CSMD1: variants seen among roughly 807,000 people sequenced by gnomAD.
CSMD1 encodes CUB and Sushi multiple domains 1.
Under a neutral mutation model 417.5 loss-of-function variants are expected in CSMD1, and 213 were observed. The observed-to-expected ratio is 0.51, with a 90% CI of 0.46 to 0.57. The LOEUF is 0.57. CSMD1 is among the 20% of genes least tolerant of loss of function. The probability of loss-of-function intolerance (pLI) is 0.00; values close to 1 mark genes in which losing one functional copy is unlikely to be tolerated. For missense variants in CSMD1, 6,923 were observed against 4,529.7 expected (o/e 1.53, Z -15.17); for synonymous variants, 2,862 against 1,736.8 (o/e 1.65, Z -16.11).
At chr8:3,142,054 T>A (rs148910578) in intron 41 of CSMD1, among the ~76,000 whole-genome samples, 1 of 151,908 alleles carries the variant, frequency 6.6e-6, no homozygotes, top group African/African-American at 2.4e-5. Context: ...GCCTCGGCCT[T>A]CCAAAGTGCT....
chr8:4,280,860 A>G (rs1470495730), intron 3 of CSMD1, among the ~76,000 whole-genome samples: 1 of 152,252 alleles, frequency 6.6e-6, no homozygotes, highest in Non-Finnish European at 1.5e-5. Flanking sequence ...TACTTCCTGT[A>G]AACATACAGC....
At chr8:4,964,501 CCAAAAA>C (rs1264101386) in intron 1 of CSMD1, among the ~76,000 whole-genome samples, 104 of 81,054 alleles carry the variant, frequency 1.3e-3, no homozygotes, top group Non-Finnish European at 1.9e-3. Flanking sequence ...GACCCTGTCT[CCAAAAA>C]AAAAAAAAAA....
At chr8:4,755,497 G>C (rs143663278) in intron 1 of CSMD1, among the ~76,000 whole-genome samples, 1 of 151,894 alleles carries the variant, frequency 6.6e-6, no homozygotes, top group African/African-American at 2.4e-5. Context: ...TTGGCATAAC[G>C]TTAAAATTGA....
At chr8:3,097,658 A>G (rs555910036) in intron 46 of CSMD1, among the ~76,000 whole-genome samples, 106 of 152,298 alleles carry the variant, frequency 7.0e-4, no homozygotes, top group African/African-American at 2.5e-3. Flanking sequence ...GAACAGTGCA[A>G]AATTTTAAAT....
At chr8:4,525,251 G>A (rs992558540) in intron 2 of CSMD1, among the ~76,000 whole-genome samples, 2 of 152,052 alleles carry the variant, frequency 1.3e-5, no homozygotes, top group African/African-American at 2.4e-5. Context: ...TCATTCACTC[G>A]AACAGAGAGG....
chr8:3,546,772 G>A (rs1271909964), intron 10 of CSMD1, among the ~76,000 whole-genome samples: 1 of 152,164 alleles, frequency 6.6e-6, no homozygotes, highest in Non-Finnish European at 1.5e-5. Flanking sequence ...TTCATGACAT[G>A]AACTTTTTGA....
intron 2 of CSMD1, among the ~76,000 whole-genome samples, chr8:4,442,269 T>C (rs1041686431): frequency 6.6e-6 from 1 of 152,158 alleles, no homozygotes; most frequent in African/African-American, 2.4e-5. Flanking sequence ...ATTTTGTTTT[T>C]ATAACAGTAA....
rs911643830 is a variant in CSMD1 at position 3,356,782 on chromosome 8, A to T, written c.3304+2370T>A. ...TGCTCTGTGGGCCTGAGAGGGCTCC[A>T]TCTGTCTGCAGGAGGCTGCTGGCTG... is the stretch of plus-strand genomic sequence containing the variant. On this transcript the variant is annotated intron_variant, in intron 21 of 69. Coordinates refer to ENST00000635120, the MANE Select transcript of CSMD1 (RefSeq NM_033225.6). 3.3e-5 allele frequency among the ~76,000 whole-genome samples: 5 copies of T among 152,338 alleles called. No individual in the cohort carries two copies. The East Asian group carries it at 9.6e-4, about 29-fold the overall frequency.
chr8:3,746,674 G>A (rs1584937876), intron 6 of CSMD1, among the ~76,000 whole-genome samples: 1 of 152,204 alleles, frequency 6.6e-6, no homozygotes, highest in Middle Eastern at 3.4e-3. Context: ...ACATTAGTAA[G>A]AAATTATCCC....
At chr8:4,286,345 A>G (rs1423873451) in intron 3 of CSMD1, among the ~76,000 whole-genome samples, 1 of 152,160 alleles carries the variant, frequency 6.6e-6, no homozygotes, top group East Asian at 1.9e-4. Flanking sequence ...TTTTTAAAAA[A>G]CAACGTTTTT....
intron 57 of CSMD1, among the ~76,000 whole-genome samples, chr8:2,970,623 G>A (rs1804378627): frequency 6.6e-6 from 1 of 152,118 alleles, no homozygotes; most frequent in African/African-American, 2.4e-5. Flanking sequence ...CTGCCGATGA[G>A]TGATCTTTCA....
intron 3 of CSMD1, among the ~76,000 whole-genome samples, chr8:4,415,262 AC>A (rs1401485717): frequency 1.3e-5 from 2 of 151,950 alleles, no homozygotes; most frequent in African/African-American, 4.8e-5. Flanking sequence ...TCACTTCTGC[AC>A]CCCCTCCTCC....
rs1170672026 is a variant in CSMD1, at chr8:3,091,500, A to C, written c.7285+16T>G. The C allele has an allele frequency of 6.4e-7, 1 of 1,574,560 alleles. No homozygotes were observed. Among genetic ancestry groups the C allele is most frequent in the African/African-American group, 1.4e-5 (1 of 73,036 alleles). On this transcript the variant is annotated intron_variant, in intron 48 of 69. Coordinates refer to ENST00000635120, the MANE Select transcript of CSMD1 (RefSeq NM_033225.6). ...TTAAAATACTTTCATATAAAATCTA[A>C]ACCTCATTTACTTACCTGCATAGCG...
chr8:3,763,658 C>T (rs546749697), intron 5 of CSMD1, among the ~76,000 whole-genome samples: 1 of 152,136 alleles, frequency 6.6e-6, no homozygotes, highest in Admixed American at 6.5e-5. Flanking sequence ...CTATATAGCA[C>T]TGCAAAACAC....
intron 5 of CSMD1, among the ~76,000 whole-genome samples, chr8:3,890,688 C>A (rs1585147949): frequency 6.6e-6 from 1 of 151,592 alleles, no homozygotes; most frequent in Admixed American, 6.6e-5. Context: ...CCAAATGAGT[C>A]CTGCCCCAGA....
At chr8:3,625,484 G>T (rs1010925374) in intron 7 of CSMD1, among the ~76,000 whole-genome samples, 1 of 152,060 alleles carries the variant, frequency 6.6e-6, no homozygotes, top group African/African-American at 2.4e-5. Context: ...ACAAGGGGTT[G>T]ATCACCTATT....
chr8:2,946,891 G>A lies in CSMD1; in HGVS notation c.10402+2408C>T, dbSNP rs140666550. Among the ~76,000 whole-genome samples the A allele has an allele frequency of 5.7e-4, 87 of 152,248 alleles. 2 individuals carry two copies. The highest frequency in any genetic ancestry group is 1.9e-3 in the African/African-American group (79 of 41,558). ...CCTCCGCCTCCTTGCCACCCTTTGC[G>A]ATTTGACTTTTAGATCACAGCCATC... On this transcript the variant is annotated intron_variant, in intron 68 of 69. Coordinates refer to ENST00000635120, the MANE Select transcript of CSMD1 (RefSeq NM_033225.6).
intron 5 of CSMD1, among the ~76,000 whole-genome samples, chr8:3,809,117 G>T (rs1301814109): frequency 1.3e-5 from 2 of 152,122 alleles, no homozygotes; most frequent in Non-Finnish European, 2.9e-5. Context: ...CACATGCTCT[G>T]CCCTCTATTG....
intron 12 of CSMD1, among the ~76,000 whole-genome samples, chr8:3,457,577 A>C (rs890727753): frequency 1.3e-5 from 2 of 152,332 alleles, no homozygotes; most frequent in Admixed American, 6.5e-5. Flanking sequence ...GGTTTAAAAA[A>C]CACAGGATGA....
Sources: allele counts gnomAD v4.1 joint callset (sites outside exome capture counted in the v4.1 genomes callset), GRCh38; gene constraint gnomAD v4.1.1; transcripts MANE v1.5; gene names NCBI Gene and HGNC (gene_info 2026-07-23, HGNC 2026-07-21).